Variants in TENM3 observed in about 807,000 individuals in gnomAD.
TENM3 encodes the protein teneurin transmembrane protein 3, also known as teneurin-3.
A neutral mutation model predicts 255.1 loss-of-function variants in TENM3; 63 were observed. The observed-to-expected ratio is 0.25, with a 90% CI of 0.20 to 0.30. The LOEUF is 0.30. Ranked by LOEUF, TENM3 falls within the 10% of genes least tolerant of loss-of-function variation. TENM3 has a pLI of 1.00. For synonymous variants in TENM3, 1,306 were observed against 1,322.3 expected, an observed-to-expected ratio of 0.99 and a Z score of 0.27; for missense variants, 2,929 against 3,461.1, an observed-to-expected ratio of 0.85 and a Z score of 3.86.
chr4:182,476,600 A>G (rs866390112), intron 3 of TENM3, among the ~76,000 whole-genome samples: 36 of 152,342 alleles, frequency 2.4e-4, no homozygotes, highest in Middle Eastern at 6.8e-3. Context: ...GGACACACAT[A>G]TATTTCATTT....
At chr4:182,276,086 T>C (rs920258030) in intron 1 of TENM3, among the ~76,000 whole-genome samples, 9 of 152,128 alleles carry the variant, frequency 5.9e-5, no homozygotes, top group African/African-American at 1.4e-4. Flanking sequence ...ATGAGAAGTC[T>C]CCAGCTGGGC....
At position 182,621,799 on chromosome 4, in the gene TENM3, TA is replaced by T. The variant is rs1323216425; in HGVS notation, c.750-6850del. On this transcript the variant is annotated intron_variant, in intron 4 of 27. Coordinates refer to ENST00000511685, the MANE Select transcript of TENM3 (RefSeq NM_001080477.4). ...TATATATAATTATATATATAATATA[TA>T]ATATATATATTATATATATATATAT... 7.9e-3 allele frequency among the ~76,000 whole-genome samples: 263 copies of T among 33,340 alleles called. 2 individuals carry two copies. The highest frequency in any genetic ancestry group is 0.022 in the African/African-American group (232 of 10,738). The allele number at this position is 33,340 out of a possible 152,430, so 21.9% of individuals were successfully genotyped here.
At chr4:181,649,334 G>A in the TENM3 span, among the ~76,000 whole-genome samples, 107 of 152,298 alleles carry the variant, frequency 7.0e-4, no homozygotes, top group African/African-American at 2.3e-3. Context: ...CATCAATACC[G>A]GTATGAGGCA....
chr4:182,414,114 GAAA>G (rs1020712624), intron 3 of TENM3, among the ~76,000 whole-genome samples: 1 of 152,084 alleles, frequency 6.6e-6, no homozygotes, highest in Non-Finnish European at 1.5e-5. Flanking sequence ...TTAGTTTCTA[GAAA>G]AAATTATTCT....
intron 12 of TENM3, among the ~76,000 whole-genome samples, chr4:182,713,717 C>G (rs950981149): frequency 6.6e-6 from 1 of 152,126 alleles, no homozygotes; most frequent in Non-Finnish European, 1.5e-5. Flanking sequence ...AAACAGATTA[C>G]AAATCTAGAC....
At chr4:181,839,384 T>TATACACAC in the TENM3 span, among the ~76,000 whole-genome samples, 706 of 83,416 alleles carry the variant, frequency 8.5e-3, 38 homozygotes, top group East Asian at 0.063. Context: ...TATATATATA[T>TATACACAC]ACACCTATAT....
chr4:182,684,345 GC>G (rs1756402704), intron 11 of TENM3, among the ~76,000 whole-genome samples: 1 of 143,058 alleles, frequency 7.0e-6, no homozygotes, highest in African/African-American at 2.6e-5. Flanking sequence ...CACACTGATT[GC>G]CCCCTTCTCT....
the TENM3 span, among the ~76,000 whole-genome samples, chr4:181,538,778 T>C: frequency 7.2e-5 from 11 of 152,296 alleles, no homozygotes; most frequent in Admixed American, 1.3e-4. Context: ...TTTCAGAGAG[T>C]AGAATTCAGA....
intron 3 of TENM3, among the ~76,000 whole-genome samples, chr4:182,472,989 A>G (rs1314935903): frequency 6.6e-6 from 1 of 152,202 alleles, no homozygotes; most frequent in African/African-American, 2.4e-5. Context: ...GTCCATTGAT[A>G]ATTATAAACA....
intron 12 of TENM3, among the ~76,000 whole-genome samples, chr4:182,710,467 A>C (rs1267401408): frequency 6.6e-5 from 10 of 152,238 alleles, no homozygotes; most frequent in Admixed American, 6.5e-4. Context: ...TTTTCCTTGC[A>C]TCATCTTATC....
At chr4:182,186,791 A>G (rs1464460259) in intron 1 of TENM3, among the ~76,000 whole-genome samples, 7 of 84,678 alleles carry the variant, frequency 8.3e-5, no homozygotes, top group Admixed American at 7.1e-4. Context: ...ATATATATAT[A>G]TATATATATA....
chr4:182,346,995 C>CGCGG (rs1764865492), intron 3 of TENM3, 66 bp downstream of exon 3: 3 of 846,716 alleles, frequency 3.5e-6, no homozygotes, highest in Non-Finnish European at 5.1e-6. Context: ...GTTGACTCCG[C>CGCGG]GGGGGGGGAT....
At chr4:181,601,741 C>T in the TENM3 span, among the ~76,000 whole-genome samples, 1 of 152,078 alleles carries the variant, frequency 6.6e-6, no homozygotes, top group African/African-American at 2.4e-5. Flanking sequence ...TGGAGCTCAC[C>T]TTCCTGGGCT....
the TENM3 span, among the ~76,000 whole-genome samples, chr4:181,551,464 C>T: frequency 6.6e-6 from 1 of 152,168 alleles, no homozygotes; most frequent in East Asian, 1.9e-4. Flanking sequence ...TTTTTGATCA[C>T]ACTAATAATA....
rs768536705 is a variant in TENM3, at chr4:182,792,960, G to A, written c.6288G>A (p.Arg2096=). 1.2e-6 allele frequency: 2 copies of A among 1,613,772 alleles called. No homozygotes were observed. The highest frequency in any genetic ancestry group is 2.2e-5 in the South Asian group (2 of 91,042). Residue 2096 remains arginine (R), a synonymous_variant, in exon 26 of 28, where the codon AGG becomes AGA. Coordinates refer to ENST00000511685, the MANE Select transcript of TENM3 (RefSeq NM_001080477.4). The surrounding 1 kb of genome is among the most constrained non-coding windows in gnomAD (Gnocchi z 6.3). ...RIKEIQYEIF[R]SLMYWITIQY... is the part of the protein sequence containing the mutation. ...AGGAGATTCAATATGAGATATTCAG[G>A]TCGCTCATGTACTGGATTACAATTC...
chr4:182,242,982 G>A (rs1265305860), upstream of TENM3, among the ~76,000 whole-genome samples: 2 of 152,184 alleles, frequency 1.3e-5, no homozygotes, highest in Non-Finnish European at 1.5e-5. Flanking sequence ...TGCATAATTG[G>A]GCGGTGATGT....
the TENM3 span, among the ~76,000 whole-genome samples, chr4:181,830,180 C>A: frequency 6.6e-6 from 1 of 152,242 alleles, no homozygotes; most frequent in African/African-American, 2.4e-5. Context: ...TTCAAGAGTG[C>A]TACGTTTAGG....
At chr4:182,551,245 A>G (rs891272305) in intron 3 of TENM3, among the ~76,000 whole-genome samples, 3 of 149,896 alleles carry the variant, frequency 2.0e-5, no homozygotes, top group African/African-American at 4.9e-5. Context: ...AAAAAACCTT[A>G]TATGTATAAT....
At chr4:182,673,684 T>C (rs1438158586) in intron 7 of TENM3, among the ~76,000 whole-genome samples, 1 of 152,222 alleles carries the variant, frequency 6.6e-6, no homozygotes, top group African/African-American at 2.4e-5. Context: ...ATAAATATGA[T>C]GACATGAGCT....
Sources: allele counts gnomAD v4.1 joint callset (sites outside exome capture counted in the v4.1 genomes callset), GRCh38; gene constraint gnomAD v4.1.1; non-coding constraint Gnocchi (gnomAD v3.1); transcripts MANE v1.5; gene names NCBI Gene and HGNC (gene_info 2026-07-23, HGNC 2026-07-21).